BMAL1: variants seen among roughly 807,000 people sequenced by gnomAD.
BMAL1 encodes basic helix-loop-helix ARNT-like protein 1.
At chr11:13,293,875 C>T in the BMAL1 span, among the ~76,000 whole-genome samples, 2 of 152,218 alleles carry the variant, frequency 1.3e-5, no homozygotes, top group Non-Finnish European at 2.9e-5. Context: ...AAGATGAAAC[C>T]TTCCCAAGGC....
the BMAL1 span, among the ~76,000 whole-genome samples, chr11:13,336,413 C>T: frequency 3.3e-5 from 5 of 152,144 alleles, no homozygotes; most frequent in African/African-American, 9.7e-5. Flanking sequence ...GCCTGCACCT[C>T]GGCCTGAGTC....
chr11:13,335,942 G>C, the BMAL1 span, among the ~76,000 whole-genome samples: 2 of 152,192 alleles, frequency 1.3e-5, no homozygotes, highest in African/African-American at 4.8e-5. Context: ...GATTTCAAGA[G>C]AGCTAAAGAC....
At chr11:13,385,562 T>G in the BMAL1 span, 5 of 647,044 alleles carry the variant, frequency 7.7e-6, no homozygotes, top group South Asian at 5.8e-5. Flanking sequence ...GTTCCTTGTT[T>G]GAAATCATCC....
the BMAL1 span, among the ~76,000 whole-genome samples, chr11:13,324,379 CT>C: frequency 0.53 from 80,180 of 151,892 alleles, 21,866 homozygotes; most frequent in Non-Finnish European, 0.61. Flanking sequence ...GCTGCCGCAT[CT>C]TTTCTTACTG....
At chr11:13,354,313 C>T in the BMAL1 span, 1 of 1,600,768 alleles carries the variant, frequency 6.2e-7, no homozygotes, top group East Asian at 2.3e-5. Context: ...CATCCAATGG[C>T]AGACCAGAGA....
chr11:13,281,287 A>G, the BMAL1 span, among the ~76,000 whole-genome samples: 7 of 152,046 alleles, frequency 4.6e-5, no homozygotes, highest in African/African-American at 1.7e-4. Flanking sequence ...CAGGCAATTT[A>G]CATGTGTCTT....
At chr11:13,360,531 G>A in the BMAL1 span, 1 of 946,408 alleles carries the variant, frequency 1.1e-6, no homozygotes, top group Admixed American at 2.3e-5. Context: ...TTTTTTTTAG[G>A]CCTGCTTCCT....
chr11:13,317,751 G>A, the BMAL1 span, among the ~76,000 whole-genome samples: 2 of 152,170 alleles, frequency 1.3e-5, no homozygotes, highest in Non-Finnish European at 2.9e-5. Flanking sequence ...CTACTTGACT[G>A]TTTTGTTTTT....
the BMAL1 span, among the ~76,000 whole-genome samples, chr11:13,362,332 C>T: frequency 2.0e-5 from 3 of 152,182 alleles, no homozygotes; most frequent in African/African-American, 7.2e-5. Flanking sequence ...AGGTTTTTTA[C>T]ATCTTGTATA....
the BMAL1 span, among the ~76,000 whole-genome samples, chr11:13,284,243 TA>T: frequency 6.7e-3 from 20 of 2,984 alleles, 1 homozygote; most frequent in Non-Finnish European, 0.018. Flanking sequence ...TGTATATATA[TA>T]TATATATATA....
chr11:13,364,368 A>T, the BMAL1 span, among the ~76,000 whole-genome samples: 1 of 152,188 alleles, frequency 6.6e-6, no homozygotes, highest in Non-Finnish European at 1.5e-5. Context: ...TCCCAGCACA[A>T]GTACATGCAC....
chr11:13,377,699 C>T, the BMAL1 span, among the ~76,000 whole-genome samples: 21 of 152,324 alleles, frequency 1.4e-4, no homozygotes, highest in East Asian at 1.2e-3. Flanking sequence ...CCCTCATGAT[C>T]GGATTGGTAC....
At chr11:13,381,066 C>G in the BMAL1 span, 1 of 1,299,360 alleles carries the variant, frequency 7.7e-7, no homozygotes, top group Non-Finnish European at 1.1e-6. Context: ...AAACCCTAAT[C>G]TAGATCTTCA....
At chr11:13,329,820 G>C in the BMAL1 span, among the ~76,000 whole-genome samples, 2 of 140,618 alleles carry the variant, frequency 1.4e-5, no homozygotes, top group Non-Finnish European at 3.2e-5. Flanking sequence ...CTGCTGGGCT[G>C]GGCAACGGTG....
At chr11:13,369,829 C>T in the BMAL1 span, 5 of 1,569,378 alleles carry the variant, frequency 3.2e-6, no homozygotes, top group Non-Finnish European at 4.3e-6. Flanking sequence ...TGCAGCGGAG[C>T]TCTCAGCTGG....
the BMAL1 span, among the ~76,000 whole-genome samples, chr11:13,384,092 G>A: frequency 6.6e-6 from 1 of 152,066 alleles, no homozygotes; most frequent in Non-Finnish European, 1.5e-5. Context: ...ATGGTCATTC[G>A]GTTTTGGGTA....
the BMAL1 span, chr11:13,376,579 G>T: frequency 1.3e-6 from 2 of 1,549,256 alleles, no homozygotes; most frequent in Non-Finnish European, 1.8e-6. Context: ...TGGCCAAGTT[G>T]AATGGTGCAC....
At chr11:13,294,571 T>G in the BMAL1 span, among the ~76,000 whole-genome samples, 5 of 152,240 alleles carry the variant, frequency 3.3e-5, 1 homozygote. Context: ...AGTGAGGCAT[T>G]GAGGAACTTG....
At chr11:13,357,916 A>G in the BMAL1 span, among the ~76,000 whole-genome samples, 2 of 152,170 alleles carry the variant, frequency 1.3e-5, no homozygotes, top group African/African-American at 2.4e-5. The surrounding 1 kb of genome is among the most constrained non-coding windows in gnomAD (Gnocchi z 4.8). Context: ...GTGGGGACCT[A>G]GTTTTGATCC....
Sources: allele counts gnomAD v4.1 joint callset (sites outside exome capture counted in the v4.1 genomes callset), GRCh38; gene constraint gnomAD v4.1.1; non-coding constraint Gnocchi (gnomAD v3.1); transcripts MANE v1.5; gene names NCBI Gene and HGNC (gene_info 2026-07-23, HGNC 2026-07-21).